HARS1: variants seen among roughly 807,000 people sequenced by gnomAD.
The protein encoded by HARS1 is histidine--tRNA ligase, cytoplasmic.
Under a neutral mutation model 63.6 loss-of-function variants are expected in HARS1, and 45 were observed. The ratio of observed to expected loss-of-function variants is 0.71; its 90% CI spans 0.56 to 0.91. The LOEUF is 0.91. HARS1 is among the 40% of genes least tolerant of loss of function. The probability of loss-of-function intolerance (pLI) is 0.00; values close to 1 mark genes in which losing one functional copy is unlikely to be tolerated. For synonymous variants in HARS1, 205 were observed against 247.1 expected (o/e 0.83, Z 1.60); for missense variants, 508 against 643.2 (o/e 0.79, Z 2.27).
At chr5:140,675,306 G>C in intron 10 of HARS1, 173 bp from the exon 11 acceptor site, 1 of 598,068 alleles carries the variant, frequency 1.7e-6, no homozygotes, top group Non-Finnish European at 3.0e-6. Context: ...TATGAGGACT[G>C]AACTGACTGA....
chr5:140,679,298 T>C lies in HARS1; in HGVS notation c.397-171A>G. The C allele has an allele frequency of 1.6e-6, 1 of 616,010 alleles. No homozygotes were observed. Among genetic ancestry groups the C allele is most frequent in the Non-Finnish European group, 2.8e-6 (1 of 355,826 alleles). 38.2% of individuals were successfully genotyped at this position (616,010 alleles called of 1,614,324 possible). ...GCATCAGCTGTGCTACCACATGAGG[T>C]AGCTGAAGGCTCAAAAAAGATTAAG... On this transcript the variant is annotated intron_variant, in intron 4 of 12. Transcript: ENST00000504156. The surrounding 1 kb of genome is among the most constrained non-coding windows in gnomAD (Gnocchi z 4.3).
chr5:140,674,923 G>T, intron 11 of HARS1, 94 bp downstream of exon 11: 1 of 1,503,236 alleles, frequency 6.7e-7, no homozygotes, highest in Non-Finnish European at 9.2e-7. Context: ...CTACTTTTGA[G>T]AAGTAATGGC....
rs1433108717 is a variant in HARS1, at chr5:140,676,676, G to A, written c.1172C>T (p.Ser391Phe). 1 of 1,614,086 alleles carries A rather than the reference G, an allele frequency of 6.2e-7. No homozygotes were observed. The highest frequency in any genetic ancestry group is 1.3e-5 in the African/African-American group (1 of 74,938). Reference sequence around the variant, plus strand: ...TACCTCTAGTCTCTGTTCCACGATGGAGAAAATCCGCTCCACCCCAATGCT... The same window carrying A: ...TACCTCTAGTCTCTGTTCCACGATGAAGAAAATCCGCTCCACCCCAATGCT... ...GLSIGVERIF[S>F]IVEQRLEALE... The change falls in exon 10 of 13, where the codon TCC (serine) becomes TTC (phenylalanine). Residue 391 changes from serine to phenylalanine, a missense_variant. Physicochemically the swap from Ser to Phe is radical, Grantham distance 155 (BLOSUM62 -2). This residue lies in a region of HARS1 where 403 missense variants were observed against 548.7 expected (regional missense o/e 0.73). Transcript: ENST00000504156. The surrounding 1 kb of genome is among the most constrained non-coding windows in gnomAD (Gnocchi z 4.1).
intron 2 of HARS1, chr5:140,684,206 C>A (rs1350668910): frequency 4.1e-6 from 1 of 244,128 alleles, no homozygotes; most frequent in South Asian, 1.5e-4. Flanking sequence ...AGGAGAATGG[C>A]GTGAACCCGG....
Position 140,676,918 on chromosome 5 carries a change from C to T in HARS1, c.952-22G>A, listed in dbSNP as rs376035495. On this transcript the variant is annotated intron_variant, in intron 9 of 12. Coordinates refer to ENST00000504156, the MANE Select transcript of HARS1 (RefSeq NM_002109.6). This position sits in a 1 kb window ranked among gnomAD's most constrained non-coding sequence, Gnocchi z 4.1. The stretch of plus-strand genomic sequence containing the variant: ...AGATCTGTGGAGATAAGAAAATGGT[C>T]AGTGCCAGATTAAGATCAGGGACCT... 3 of 1,612,964 alleles carry T rather than the reference C, an allele frequency of 1.9e-6. No individual in the cohort carries two copies. The South Asian group carries it at 3.3e-5, about 18-fold the overall frequency.
chr5:140,677,318 G>A lies in HARS1; in HGVS notation c.823+9C>T. On this transcript the variant is annotated intron_variant, in intron 8 of 12. Transcript: ENST00000504156. ...ACGGCTGCTGGGGAGGCTTGGTTCTGTTCCTCACCATGTTGCTGGACATAG... is the reference window on the plus strand; with the variant it reads ...ACGGCTGCTGGGGAGGCTTGGTTCTATTCCTCACCATGTTGCTGGACATAG... 1 of 1,599,530 alleles carries A rather than the reference G, an allele frequency of 6.3e-7. No individual in the cohort carries two copies. The highest frequency in any genetic ancestry group is 8.6e-7 in the Non-Finnish European group (1 of 1,167,062).
At chr5:140,690,184 G>A (rs1340133151) in intron 2 of HARS1, among the ~76,000 whole-genome samples, 1 of 152,148 alleles carries the variant, frequency 6.6e-6, no homozygotes, top group East Asian at 1.9e-4. Flanking sequence ...GGGTGCGGTG[G>A]CACACGTCTG....
chr5:140,676,610 C>A lies in HARS1; in HGVS notation c.1194+44G>T. Reference sequence around the variant, plus strand: ...CTTGGAGATCAGATAGCTTAGGTGCCACCACCTGCTCAGACTATCTTCTAC... The same window carrying A: ...CTTGGAGATCAGATAGCTTAGGTGCAACCACCTGCTCAGACTATCTTCTAC... On this transcript the variant is annotated intron_variant, in intron 10 of 12. Transcript: ENST00000504156. This position sits in a 1 kb window ranked among gnomAD's most constrained non-coding sequence, Gnocchi z 4.1. 1 of 1,591,674 alleles carries A rather than the reference C, an allele frequency of 6.3e-7. No homozygotes were observed. The highest frequency in any genetic ancestry group is 8.6e-7 in the Non-Finnish European group (1 of 1,163,470).
rs780017796 is a variant in HARS1 at position 140,677,361 on chromosome 5, C to T, written c.789G>A (p.Val263=). 6.8e-6 allele frequency: 11 copies of T among 1,613,774 alleles called. No individual in the cohort carries two copies. Among genetic ancestry groups the T allele is most frequent in the South Asian group, 1.1e-5 (1 of 91,080 alleles). ...GGACATAGTCCCCAATGCGGTCAGC[C>T]ACCTCAGGTGCAAGGCCCTTCTCTC... ...MVGEKGLAPE[V]ADRIGDYVQQ... Residue 263 remains valine, a synonymous_variant, in exon 8 of 13, where the codon GTG becomes GTA. Coordinates refer to ENST00000504156, the MANE Select transcript of HARS1 (RefSeq NM_002109.6).
At position 140,674,261 on chromosome 5, in the gene HARS1, C is replaced by T. The variant is rs1255236125; in HGVS notation, c.1526G>A (p.Cys509Tyr). 1 of 1,598,420 alleles carries T rather than the reference C, an allele frequency of 6.3e-7. No individual in the cohort carries two copies. The highest frequency in any genetic ancestry group is 2.2e-5 in the East Asian group (1 of 44,806). Reference sequence around the variant, plus strand: ...TCCTCTGATAGTTTGTTCAGTTCAGCAGATGCAGAGGGGCTGGCCTGTTCT... The same window carrying T: ...TCCTCTGATAGTTTGTTCAGTTCAGTAGATGCAGAGGGGCTGGCCTGTTCT... ...KRRTGQPLCI[C>Y] is the part of the protein sequence containing the mutation. Residue 509 changes from cysteine (C) to tyrosine (Y), a missense_variant, in exon 13 of 13, where the codon TGC becomes TAC. Physicochemically the swap from Cys to Tyr is radical, Grantham distance 194. This residue lies in a region of HARS1 where 403 missense variants were observed against 548.7 expected (regional missense o/e 0.73). Coordinates refer to ENST00000504156, the MANE Select transcript of HARS1 (RefSeq NM_002109.6).
chr5:140,683,009 C>T, intron 3 of HARS1, 91 bp downstream of exon 3: 2 of 1,204,892 alleles, frequency 1.7e-6, no homozygotes, highest in Non-Finnish European at 2.4e-6. Flanking sequence ...CAGGAGTGGG[C>T]CCTTTGGACC....
In HARS1 at chr5:140,677,991, C is replaced by G. The variant is rs1343601632; in HGVS notation, c.547G>C (p.Asp183His). ...QCDFDIAGNF[D>H]PMIPDAECLK... ...CACTCTGCATCAGGGATCATGGGAT[C>G]AAAGTTCCCAGCAATGTCAAAATCC... The change falls in exon 6 of 13, where the codon GAT (aspartate) becomes CAT (histidine). Residue 183 changes from aspartate (D) to histidine (H), a missense_variant. This residue lies in a region of HARS1 where 403 missense variants were observed against 548.7 expected (regional missense o/e 0.73). Coordinates refer to ENST00000504156, the MANE Select transcript of HARS1 (RefSeq NM_002109.6). The G allele has an allele frequency of 6.2e-7, 1 of 1,608,512 alleles. No individual in the cohort carries two copies. Among genetic ancestry groups the G allele is most frequent in the Admixed American group, 1.7e-5 (1 of 59,946 alleles).
Position 140,691,367 on chromosome 5 carries a change from G to A in HARS1, c.-63C>T. The A allele has an allele frequency of 3.9e-6, 5 of 1,275,444 alleles. No homozygotes were observed. The South Asian group carries it at 5.3e-5, about 13-fold the overall frequency. The allele number at this position is 1,275,444 out of a possible 1,614,324, so 79.0% of individuals were successfully genotyped here. A position where few individuals can be genotyped will look rare whatever the true frequency, so the allele number is the denominator to read the frequency against. Reference sequence around the variant, plus strand: ...GCGGTGGTTGCCCCAGCCTCAGCAAGGATGACTTCCGGCTATCGAGTCGCT... The same window carrying A: ...GCGGTGGTTGCCCCAGCCTCAGCAAAGATGACTTCCGGCTATCGAGTCGCT... On this transcript the variant is annotated 5_prime_UTR_variant, in exon 1 of 13. Transcript: ENST00000504156.
Position 140,679,427 on chromosome 5 carries a change from T to C in HARS1, c.397-300A>G. On this transcript the variant is annotated intron_variant, in intron 4 of 12. Transcript: ENST00000504156. The surrounding 1 kb of genome is among the most constrained non-coding windows in gnomAD (Gnocchi z 4.3). ...AAAGGCGACCAGAAAAAGGCCCCCA[T>C]ATGGGATTTCTAAGCAGATGATTCT... 2.5e-6 allele frequency: 1 copy of C among 407,950 alleles called. No individual in the cohort carries two copies. The highest frequency in any genetic ancestry group is 4.7e-5 in the East Asian group (1 of 21,304). The allele number at this position is 407,950 out of a possible 1,614,324, so 25.3% of individuals were successfully genotyped here.
chr5:140,674,938 T>C, intron 11 of HARS1, 79 bp downstream of exon 11: 1 of 1,465,274 alleles, frequency 6.8e-7, no homozygotes, highest in South Asian at 1.1e-5. Flanking sequence ...AATGGCAGGA[T>C]CCATTATGGG....
chr5:140,691,324 C>A lies in HARS1; in HGVS notation c.-20G>T. 6.3e-7 allele frequency: 1 copy of A among 1,584,808 alleles called. No homozygotes were observed. Among genetic ancestry groups the A allele is most frequent in the Non-Finnish European group, 8.6e-7 (1 of 1,166,930 alleles). ...TGCCATCCCGGCTGTCCACTTGAGC[C>A]GCCTGCTGTCTCGACCTGCGGTGGT... On this transcript the variant is annotated 5_prime_UTR_variant, in exon 1 of 13. Transcript: ENST00000504156.
rs1406096398 is a variant in HARS1 at position 140,679,104 on chromosome 5, T to G, written c.420A>C (p.Ala140=). ...GTTTAATGTTGGTCAGTTTATTCAT[T>G]GCCAAATACCGAGCAAAAGGAACCT... The part of the protein sequence containing the change: ...DLTVPFARYL[A]MNKLTNIKRY... The change falls in exon 5 of 13, where the codon GCA becomes GCC. Residue 140 remains alanine, a synonymous_variant. Coordinates refer to ENST00000504156, the MANE Select transcript of HARS1 (RefSeq NM_002109.6). This position sits in a 1 kb window ranked among gnomAD's most constrained non-coding sequence, Gnocchi z 4.3. The G allele has an allele frequency of 6.2e-7, 1 of 1,614,132 alleles. No homozygotes were observed. The highest frequency in any genetic ancestry group is 1.1e-5 in the South Asian group (1 of 91,088).
chr5:140,688,595 T>C (rs1264582682), intron 2 of HARS1, among the ~76,000 whole-genome samples: 1 of 152,200 alleles, frequency 6.6e-6, no homozygotes, highest in Non-Finnish European at 1.5e-5. Context: ...AATAATATCT[T>C]TTTATGGTTG....
chr5:140,674,825 C>A lies in HARS1; in HGVS notation c.1312G>T (p.Ala438Ser), dbSNP rs1758263965. 1 of 1,614,154 alleles carries A rather than the reference C, an allele frequency of 6.2e-7. No individual in the cohort carries two copies. Among genetic ancestry groups the A allele is most frequent in the African/African-American group, 1.3e-5 (1 of 75,036 alleles). ...VSELWDAGIKAELLYKKNPKL... is the reference protein window; with the variant it reads ...VSELWDAGIKSELLYKKNPKL... ...GGGTTCTTCTTGTACAGCAGCTCAG[C>A]CTGCAGGGGACAAGAGCAGAAGATG... is the stretch of plus-strand genomic sequence containing the variant. The change falls in exon 12 of 13, where the codon GCT becomes TCT. Residue 438 changes from alanine to serine, a missense_variant and splice_region_variant. Transcript: ENST00000504156.
Sources: gnomAD v4.1 joint callset for allele counts (sites outside exome capture counted in the v4.1 genomes callset) on GRCh38, gnomAD v4.1.1 for gene constraint, gnomAD v4.1.1 regional missense constraint, Gnocchi (gnomAD v3.1) non-coding constraint, MANE v1.5 for transcripts, NCBI Gene and HGNC (gene_info 2026-07-23, HGNC 2026-07-21) for gene names.